FAM178B: variants seen among roughly 807,000 people sequenced by gnomAD.
FAM178B encodes protein FAM178B.
A neutral mutation model predicts 91.7 loss-of-function variants in FAM178B; 82 were observed. The ratio of observed to expected loss-of-function variants is 0.89; its 90% confidence interval spans 0.75 to 1.07. The LOEUF (loss-of-function observed/expected upper bound fraction) is 1.07. FAM178B is among the 50% of genes least tolerant of loss of function. The probability of loss-of-function intolerance (pLI) is 0.00; values close to 1 mark genes in which losing one functional copy is unlikely to be tolerated. For synonymous variants in FAM178B, 368 were observed against 359.4 expected, an observed-to-expected ratio of 1.02 and a Z score of -0.27; for missense variants, 769 against 846.7, an observed-to-expected ratio of 0.91 and a Z score of 1.14.
Position 96,923,571 on chromosome 2 carries a change from G to T in FAM178B, c.1206C>A (p.Gly402=), listed in dbSNP as rs1258782619. 1.3e-6 allele frequency: 2 copies of T among 1,551,522 alleles called. No homozygotes were observed. Among genetic ancestry groups the T allele is most frequent in the Non-Finnish European group, 1.7e-6 (2 of 1,146,866 alleles). The change falls in exon 10 of 17, where the codon GGC becomes GGA. Residue 402 remains glycine (G), a synonymous_variant. Transcript: ENST00000490605. ...CCTCATTCTCATTCAGGCCAGCCTC[G>T]CCTGGAAGCACCCTGTGGTAAGACA... ...PFWHGGRVLP[G]EAGLNENEEQ... is the part of the protein sequence containing the mutation.
At position 96,979,937 on chromosome 2, in the gene FAM178B, A is replaced by G. The variant is rs77358842; in HGVS notation, c.73+6304T>C. Among the ~76,000 whole-genome samples, 655 of 152,322 alleles carry G rather than the reference A, an allele frequency of 4.3e-3. 24 individuals carry two copies. In the East Asian group the frequency reaches 0.072, roughly 17 times the overall value. On this transcript the variant is annotated intron_variant, in intron 1 of 16. Transcript: ENST00000490605. ...TATGTCCATTATAGTAGATAGGGCT[A>G]AACAGTTTTAAAGTTTTATCCTCCT...
intron 4 of FAM178B, among the ~76,000 whole-genome samples, chr2:96,967,911 C>CTTTTTGTTTTTTTTTTTTTT (rs2082165868): frequency 1.6e-5 from 1 of 62,418 alleles, no homozygotes; most frequent in Non-Finnish European, 3.0e-5. Context: ...CCTGTTTGGT[C>CTTTTTGTTTTTTTTTTTTTT]TTTTTTTTTT....
intron 3 of FAM178B, among the ~76,000 whole-genome samples, chr2:96,971,498 A>G (rs1481232234): frequency 6.6e-6 from 1 of 152,188 alleles, no homozygotes; most frequent in Non-Finnish European, 1.5e-5. Context: ...TTGAAGTTCC[A>G]TTTAGGACTC....
intron 12 of FAM178B, among the ~76,000 whole-genome samples, chr2:96,908,338 T>C (rs1409135198): frequency 6.6e-6 from 1 of 152,182 alleles, no homozygotes; most frequent in African/African-American, 2.4e-5. Context: ...AAACCAGGTG[T>C]TGAGCCAAGG....
intron 9 of FAM178B, 96 bp downstream of exon 9, chr2:96,929,110 A>G: frequency 1.1e-6 from 1 of 893,142 alleles, no homozygotes; most frequent in African/African-American, 1.7e-5. Flanking sequence ...GTGAGCTATG[A>G]TTATACCCCT....
chr2:96,882,429 G>A (rs1385536013), intron 14 of FAM178B, among the ~76,000 whole-genome samples: 2 of 152,244 alleles, frequency 1.3e-5, no homozygotes, highest in Non-Finnish European at 2.9e-5. Context: ...GGGCAGGCAG[G>A]GGTGGGCGAG....
rs762211103 is a variant in FAM178B, at chr2:96,972,557, T to C, written c.123A>G (p.Leu41=). The C allele has an allele frequency of 1.3e-6, 2 of 1,551,696 alleles. No individual in the cohort carries two copies. Among genetic ancestry groups the C allele is most frequent in the African/African-American group, 2.7e-5 (2 of 73,180 alleles). Residue 41 remains leucine (L), a synonymous_variant, in exon 2 of 17, where the codon CTA becomes CTG. Transcript: ENST00000490605. The part of the protein sequence containing the change: ...LQMAGPQETV[L]ALPLREGVQA... ...GCCTACCTTCTCTCAGAGGAAGGGC[T>C]AGCACCGTCTCCTGGGGCCCAGCCA...
At chr2:96,936,027 C>T (rs1559083388) in intron 8 of FAM178B, among the ~76,000 whole-genome samples, 1 of 151,990 alleles carries the variant, frequency 6.6e-6, no homozygotes, top group South Asian at 2.1e-4. Flanking sequence ...CAAATATACA[C>T]ACTAACATAT....
intron 13 of FAM178B, among the ~76,000 whole-genome samples, chr2:96,900,268 T>G (rs1378541695): frequency 1.3e-5 from 2 of 152,112 alleles, no homozygotes; most frequent in South Asian, 4.1e-4. Context: ...TGGGTCCCTC[T>G]GTTCTTCCTT....
At chr2:96,894,961 ACCCTCCCTTGCAT>A (rs1276220266) in intron 13 of FAM178B, 1 of 939,102 alleles carries the variant, frequency 1.1e-6, no homozygotes, top group African/African-American at 1.9e-5. Flanking sequence ...CTGTGGGCCC[ACCCTCCCTTGCAT>A]CCCTCTCTTT....
intron 12 of FAM178B, among the ~76,000 whole-genome samples, chr2:96,906,755 C>T (rs141221139): frequency 5.9e-5 from 9 of 152,354 alleles, no homozygotes; most frequent in Admixed American, 3.9e-4. Flanking sequence ...CCTTCGCCTC[C>T]CTGTCAGACA....
chr2:96,925,242 G>A (rs1453267012), intron 9 of FAM178B, among the ~76,000 whole-genome samples: 2 of 152,168 alleles, frequency 1.3e-5, no homozygotes, highest in Non-Finnish European at 2.9e-5. Context: ...CGCTGCCAAG[G>A]GGAGAAGGAA....
chr2:96,964,863 C>T (rs1179981811), intron 5 of FAM178B, among the ~76,000 whole-genome samples: 2 of 152,154 alleles, frequency 1.3e-5, no homozygotes, highest in South Asian at 4.1e-4. Context: ...GGCACCCAGG[C>T]ATCTGGCTTC....
chr2:96,902,751 G>C (rs750778928), intron 12 of FAM178B, 44 bp from the exon 13 acceptor site: 1 of 1,456,882 alleles, frequency 6.9e-7, no homozygotes, highest in Non-Finnish European at 9.4e-7. Context: ...GCTGGAAGTC[G>C]GGGAGCCCGA....
intron 2 of FAM178B, 79 bp downstream of exon 2, chr2:96,972,459 C>T: frequency 6.6e-7 from 1 of 1,516,372 alleles, no homozygotes; most frequent in Non-Finnish European, 8.9e-7. Context: ...CAAGGGAAAT[C>T]CTTCAGCCAT....
intron 1 of FAM178B, among the ~76,000 whole-genome samples, chr2:96,977,194 CAAAAAAAAAA>C (rs70964891): frequency 2.6e-5 from 1 of 38,522 alleles, no homozygotes; most frequent in African/African-American, 1.2e-4. Context: ...GACTCTGTCT[CAAAAAAAAAA>C]AAAAAAAAAA....
rs1161827393 is a variant in FAM178B, at chr2:96,951,428, T to G, written c.944A>C (p.Tyr315Ser). Residue 315 changes from tyrosine to serine, a missense_variant, in exon 7 of 17, where the codon TAC becomes TCC. By Grantham distance (144) the Tyr-to-Ser change is moderately radical. Transcript: ENST00000490605. Reference sequence around the variant, plus strand: ...TACCGGGCAGTCAGGCATGTGCAGGTAGAGGATGTTCAGGAGGCCACTGCG... The same window carrying G: ...TACCGGGCAGTCAGGCATGTGCAGGGAGAGGATGTTCAGGAGGCCACTGCG... ...FLRSGLLNIL[Y>S]LHMPDCPVSL... 6.4e-7 allele frequency: 1 copy of G among 1,551,140 alleles called. No homozygotes were observed. Among genetic ancestry groups the G allele is most frequent in the Admixed American group, 2.0e-5 (1 of 50,928 alleles).
At chr2:96,919,695 G>T (rs532760129) in intron 12 of FAM178B, among the ~76,000 whole-genome samples, 1 of 152,152 alleles carries the variant, frequency 6.6e-6, no homozygotes, top group African/African-American at 2.4e-5. Flanking sequence ...GAAATACCAG[G>T]CTGCTGGGCT....
chr2:96,956,508 C>A (rs558825565), intron 6 of FAM178B, among the ~76,000 whole-genome samples: 69 of 152,322 alleles, frequency 4.5e-4, no homozygotes, highest in African/African-American at 1.6e-3. Flanking sequence ...TGTGCTATTG[C>A]CTACTTTGTT....
Sources: allele counts gnomAD v4.1 joint callset (sites outside exome capture counted in the v4.1 genomes callset), GRCh38; gene constraint gnomAD v4.1.1; transcripts MANE v1.5; gene names NCBI Gene and HGNC (gene_info 2026-07-23, HGNC 2026-07-21).